EHMT1: variants seen among roughly 807,000 people sequenced by gnomAD.
EHMT1 encodes the protein euchromatic histone lysine methyltransferase 1, also known as histone-lysine N-methyltransferase EHMT1.
A neutral mutation model predicts 147.2 loss-of-function variants in EHMT1; 15 were observed. The observed-to-expected ratio is 0.10, with a 90% CI of 0.07 to 0.16. The LOEUF (loss-of-function observed/expected upper bound fraction) is 0.16, where lower values mean the gene tolerates loss of function less well. EHMT1 is among the 10% of genes least tolerant of loss of function. EHMT1 has a pLI of 1.00. For synonymous variants in EHMT1, 795 were observed against 709.6 expected (o/e 1.12, Z -1.91); for missense variants, 1,587 against 1,772.4 (o/e 0.90, Z 1.88).
At chr9:137,692,230 T>A (rs1463017248) in intron 1 of EHMT1, among the ~76,000 whole-genome samples, 1 of 151,662 alleles carries the variant, frequency 6.6e-6, no homozygotes, top group African/African-American at 2.4e-5. Context: ...CACTAGATGG[T>A]GTTTTTCTTT....
At chr9:137,692,815 G>A (rs1002830866) in intron 1 of EHMT1, among the ~76,000 whole-genome samples, 4 of 152,152 alleles carry the variant, frequency 2.6e-5, no homozygotes, top group African/African-American at 9.7e-5. Context: ...TTGCTGCTGG[G>A]TGTGGGAGCA....
rs2132793523 is a variant in EHMT1, at chr9:137,817,495, A to G, written c.3431A>G (p.Gln1144Arg). 1 of 1,614,176 alleles carries G rather than the reference A, an allele frequency of 6.2e-7. No homozygotes were observed. The highest frequency in any genetic ancestry group is 1.7e-5 in the Admixed American group (1 of 60,026). ...ATGGGCTGGGGCGTGCGGTCCCTGC[A>G]GGACATCCCACCAGGCACCTTTGTC... ...RDMGWGVRSLQDIPPGTFVCE... is the reference protein window; with the variant it reads ...RDMGWGVRSLRDIPPGTFVCE... The change falls in exon 24 of 27, where the codon CAG becomes CGG. Residue 1144 changes from glutamine to arginine, a missense_variant. Physicochemically the swap from Gln to Arg is conservative, Grantham distance 43. Coordinates refer to ENST00000460843, the MANE Select transcript of EHMT1 (RefSeq NM_024757.5).
intron 2 of EHMT1, among the ~76,000 whole-genome samples, chr9:137,714,905 T>C (rs1945074716): frequency 6.6e-6 from 1 of 152,212 alleles, no homozygotes; most frequent in African/African-American, 2.4e-5. Flanking sequence ...TTTAGGAGCA[T>C]GAAATGCCTT....
chr9:137,628,207 C>G (rs927597279), intron 1 of EHMT1, among the ~76,000 whole-genome samples: 2 of 152,166 alleles, frequency 1.3e-5, no homozygotes, highest in African/African-American at 2.4e-5. Flanking sequence ...GCCAGCTGCT[C>G]AGCTGCAACT....
rs57629783 is a variant in EHMT1, at chr9:137,757,741, TG to T, written c.1370-136del. 13,096 of 1,240,826 alleles carry T rather than the reference TG, an allele frequency of 0.011. 995 individuals carry two copies. The African/African-American group carries it at 0.17, about 16-fold the overall frequency. 76.9% of individuals were successfully genotyped at this position (1,240,826 alleles called of 1,614,324 possible). On this transcript the variant is annotated intron_variant, in intron 8 of 26. Coordinates refer to ENST00000460843, the MANE Select transcript of EHMT1 (RefSeq NM_024757.5). The stretch of plus-strand genomic sequence containing the variant: ...GAAACTGGAATGGTCTAAACCATAG[TG>T]GGTTTCAACTTGTGGTTTTGAATGG...
At chr9:137,636,762 T>A (rs1844102331) in intron 1 of EHMT1, among the ~76,000 whole-genome samples, 1 of 152,206 alleles carries the variant, frequency 6.6e-6, no homozygotes, top group South Asian at 2.1e-4. Context: ...TAATCCTTTT[T>A]AAATCTTGTT....
At position 137,647,255 on chromosome 9, in the gene EHMT1, C is replaced by T. The variant is rs541993386; in HGVS notation, c.21+28206C>T. Among the ~76,000 whole-genome samples, 49 of 152,204 alleles carry T rather than the reference C, an allele frequency of 3.2e-4. No homozygotes were observed. The East Asian group carries it at 3.5e-3, about 11-fold the overall frequency. On this transcript the variant is annotated intron_variant, in intron 1 of 26. Coordinates refer to ENST00000460843, the MANE Select transcript of EHMT1 (RefSeq NM_024757.5). The stretch of plus-strand genomic sequence containing the variant: ...TCCAGTCCTCTGTTGACCCCAGGCT[C>T]GTGCCCCAGGCTGACCTCTTTGCTG...
At chr9:137,781,543 G>A (rs1951557427) in intron 14 of EHMT1, among the ~76,000 whole-genome samples, 1 of 152,192 alleles carries the variant, frequency 6.6e-6, no homozygotes, top group Admixed American at 6.5e-5. Context: ...GCTGTGGTGT[G>A]GACAAAGTAG....
chr9:137,633,634 G>A (rs1382966186), intron 1 of EHMT1, among the ~76,000 whole-genome samples: 1 of 151,782 alleles, frequency 6.6e-6, no homozygotes, highest in Non-Finnish European at 1.5e-5. Flanking sequence ...GTCTGGAGTG[G>A]TCCAACCATT....
chr9:137,760,719 T>C (rs748032141), intron 9 of EHMT1, among the ~76,000 whole-genome samples: 2 of 152,196 alleles, frequency 1.3e-5, no homozygotes, highest in Non-Finnish European at 2.9e-5. Flanking sequence ...TGGTAAAAGA[T>C]GCACTAAGAG....
intron 16 of EHMT1, among the ~76,000 whole-genome samples, chr9:137,795,421 ACACACACTCT>A (rs200728025): frequency 0.45 from 30,320 of 66,948 alleles, 3,835 homozygotes; most frequent in South Asian, 0.56. Context: ...ACACACACAC[ACACACACTCT>A]CACACTCACA....
chr9:137,762,863 G>A, intron 10 of EHMT1, 43 bp downstream of exon 10: 2 of 1,611,784 alleles, frequency 1.2e-6, no homozygotes, highest in Non-Finnish European at 1.7e-6. Flanking sequence ...CGAGGAGTGA[G>A]TGAGAAAGCC....
chr9:137,776,748 CG>C lies in EHMT1; in HGVS notation c.1923del (p.Ile642Ter). 3.7e-6 allele frequency: 6 copies of C among 1,614,058 alleles called. No individual in the cohort carries two copies. The highest frequency in any genetic ancestry group is 5.1e-6 in the Non-Finnish European group (6 of 1,180,014). On this transcript the variant is annotated frameshift_variant, in exon 12 of 27. Transcript: ENST00000460843. LOFTEE classifies it high-confidence loss of function. This position sits in a 1 kb window ranked among gnomAD's most constrained non-coding sequence, Gnocchi z 4.4. ...GEESSKAKEV[T>X]IAKADTTSTV... ...GAGAGCTCCAAGGCCAAAGAGGTGACGATAGCTAAAGCAGACACCACCTCGA... is the reference window on the plus strand; with the variant it reads ...GAGAGCTCCAAGGCCAAAGAGGTGACATAGCTAAAGCAGACACCACCTCGA...
At chr9:137,632,104 C>T (rs1843669987) in intron 1 of EHMT1, among the ~76,000 whole-genome samples, 1 of 152,220 alleles carries the variant, frequency 6.6e-6, no homozygotes, top group Admixed American at 6.5e-5. Context: ...GAAGTGCACT[C>T]TTTGACGTTT....
At chr9:137,621,973 T>C (rs899029319) in intron 1 of EHMT1, among the ~76,000 whole-genome samples, 4 of 151,890 alleles carry the variant, frequency 2.6e-5, no homozygotes, top group Non-Finnish European at 5.9e-5. Flanking sequence ...TTTTCTTTTA[T>C]TATTATTATA....
At chr9:137,640,776 T>C (rs1844426692) in intron 1 of EHMT1, among the ~76,000 whole-genome samples, 1 of 152,214 alleles carries the variant, frequency 6.6e-6, no homozygotes, top group Non-Finnish European at 1.5e-5. Context: ...TTTGTTGAGA[T>C]AGGAAGGGAT....
intron 1 of EHMT1, among the ~76,000 whole-genome samples, chr9:137,648,659 C>G (rs1589112990): frequency 1.3e-5 from 2 of 152,276 alleles, no homozygotes; most frequent in East Asian, 1.9e-4. Flanking sequence ...AAGACTTGAA[C>G]TCTGGAAATA....
intron 3 of EHMT1, among the ~76,000 whole-genome samples, chr9:137,717,955 G>T (rs1284636737): frequency 6.6e-6 from 1 of 152,246 alleles, no homozygotes; most frequent in African/African-American, 2.4e-5. Flanking sequence ...GGGCTCAGCC[G>T]TACCTTGAGA....
At chr9:137,632,870 T>G (rs1843722046) in intron 1 of EHMT1, among the ~76,000 whole-genome samples, 1 of 152,212 alleles carries the variant, frequency 6.6e-6, no homozygotes, top group East Asian at 1.9e-4. Context: ...ATGCTAATGA[T>G]TCTCGTCCTT....
Sources: gnomAD v4.1 joint callset for allele counts (sites outside exome capture counted in the v4.1 genomes callset) on GRCh38, gnomAD v4.1.1 for gene constraint, Gnocchi (gnomAD v3.1) non-coding constraint, MANE v1.5 for transcripts, NCBI Gene and HGNC (gene_info 2026-07-23, HGNC 2026-07-21) for gene names.